Variants in NDUFAF6 observed in about 807,000 individuals in gnomAD.
The protein encoded by NDUFAF6 is NADH dehydrogenase (ubiquinone) complex I, assembly factor 6.
In NDUFAF6, 45 loss-of-function variants were observed where a neutral mutation model predicts 40.8. The ratio of observed to expected loss-of-function variants is 1.10; its 90% confidence interval spans 0.87 to 1.42. NDUFAF6 has a LOEUF of 1.42. Among genes scored for constraint, NDUFAF6 ranks in the 40% most tolerant of loss-of-function variants. The pLI, the probability that NDUFAF6 is intolerant of heterozygous loss-of-function variation, is 0.00. For missense variants in NDUFAF6, 435 were observed against 418.5 expected (o/e 1.04, Z -0.34); for synonymous variants, 185 against 155.9 (o/e 1.19, Z -1.39).
At chr8:94,942,283 G>A (rs965160252) in intron 1 of NDUFAF6, among the ~76,000 whole-genome samples, 6 of 151,422 alleles carry the variant, frequency 4.0e-5, no homozygotes, top group African/African-American at 1.2e-4. Context: ...CTCATGATCC[G>A]CCCACCTCAG....
rs568064396 is a variant in NDUFAF6 at position 95,002,719 on chromosome 8, A to T, written c.-84+21746A>T. Among the ~76,000 whole-genome samples, 20 of 152,314 alleles carry T rather than the reference A, an allele frequency of 1.3e-4. No homozygotes were observed. In the South Asian group the frequency reaches 3.9e-3, roughly 30 times the overall value. On this transcript the variant is annotated intron_variant, in intron 2 of 9. Transcript: ENST00000396111. ...GGTGCTGGGATGCAAAGTCTCTGCA[A>T]CTGTAGAGTACTTAGAGACTAGTAG...
At chr8:95,070,129 A>G (rs1487368052) in intron 9 of NDUFAF6, among the ~76,000 whole-genome samples, 3 of 152,076 alleles carry the variant, frequency 2.0e-5, no homozygotes, top group Admixed American at 2.0e-4. Context: ...CATATGGGAC[A>G]AGAATGTGGT....
At chr8:94,933,339 C>T (rs1451538265) in intron 1 of NDUFAF6, among the ~76,000 whole-genome samples, 2 of 152,100 alleles carry the variant, frequency 1.3e-5, no homozygotes, top group African/African-American at 2.4e-5. Flanking sequence ...ATAAAAACAA[C>T]ATTCTCACTG....
chr8:94,957,443 G>A (rs569003623), upstream of NDUFAF6, among the ~76,000 whole-genome samples: 1 of 152,260 alleles, frequency 6.6e-6, no homozygotes, highest in African/African-American at 2.4e-5. Flanking sequence ...AAGAAGATAA[G>A]GGATATCCAG....
At chr8:95,081,804 G>A (rs975161983) in intron 2 of NDUFAF6, among the ~76,000 whole-genome samples, 3 of 152,216 alleles carry the variant, frequency 2.0e-5, no homozygotes, top group African/African-American at 4.8e-5. Flanking sequence ...GCTCACGCCT[G>A]TAATCCCAGC....
chr8:95,090,494 C>T (rs958735592), intron 2 of NDUFAF6, among the ~76,000 whole-genome samples: 1 of 152,118 alleles, frequency 6.6e-6, no homozygotes, highest in Non-Finnish European at 1.5e-5. Flanking sequence ...AGATTCTTTA[C>T]AGTGAACTTT....
intron 6 of NDUFAF6, among the ~76,000 whole-genome samples, chr8:95,048,071 A>G (rs554168145): frequency 1.6e-4 from 24 of 152,068 alleles, no homozygotes; most frequent in Admixed American, 1.5e-3. Flanking sequence ...GTGCACACCT[A>G]TAGTCCCAGC....
At chr8:95,072,659 G>A (rs1405935785) in intron 9 of NDUFAF6, 2 of 152,306 alleles carry the variant, frequency 1.3e-5, no homozygotes, top group Admixed American at 6.5e-5. Context: ...CCTGCATTGA[G>A]GTTGGGCAGA....
downstream of NDUFAF6, among the ~76,000 whole-genome samples, chr8:95,077,705 C>A (rs762506042): frequency 3.9e-5 from 6 of 152,152 alleles, no homozygotes; most frequent in Non-Finnish European, 7.4e-5. Flanking sequence ...ATAGAACTCT[C>A]AGTTGTGGGA....
chr8:95,105,958 A>G (rs534811757), downstream of NDUFAF6, among the ~76,000 whole-genome samples: 2 of 152,182 alleles, frequency 1.3e-5, no homozygotes, highest in Admixed American at 6.5e-5. Flanking sequence ...TCTTAATCAT[A>G]GGAACCAGAA....
intron 3 of NDUFAF6, 22 bp downstream of exon 3, chr8:95,035,598 T>G (rs1829413756): frequency 6.4e-7 from 1 of 1,567,700 alleles, no homozygotes; most frequent in South Asian, 1.1e-5. Flanking sequence ...AAAATACCAC[T>G]TTTAATTTGT....
At chr8:94,919,928 C>G (rs1396892776) in intron 1 of NDUFAF6, among the ~76,000 whole-genome samples, 1 of 152,120 alleles carries the variant, frequency 6.6e-6, no homozygotes. Context: ...CACAAAATTT[C>G]AAAATTAAAG....
chr8:95,031,573 T>A (rs1587025027), intron 1 of NDUFAF6, among the ~76,000 whole-genome samples: 1 of 152,210 alleles, frequency 6.6e-6, no homozygotes, highest in South Asian at 2.1e-4. Context: ...ATAAGACATG[T>A]CAGGCCTTTT....
chr8:95,036,179 A>G (rs1829480057), intron 3 of NDUFAF6: 2 of 664,428 alleles, frequency 3.0e-6, no homozygotes, highest in Non-Finnish European at 4.2e-6. Flanking sequence ...TTTATAGTAA[A>G]GCAGCTGTAT....
downstream of NDUFAF6, among the ~76,000 whole-genome samples, chr8:95,080,424 TATTTTTGTAGTGTATTTTTGTAGTG>T (rs1808798337): frequency 1.3e-5 from 2 of 150,546 alleles, no homozygotes; most frequent in East Asian, 2.0e-4. Flanking sequence ...TTTTGTAGTG[TATTTTTGTAGTGTATTTTTGTAGTG>T]ATTTTTGTAG....
intron 1 of NDUFAF6, among the ~76,000 whole-genome samples, chr8:95,031,608 T>C (rs1451669538): frequency 6.6e-6 from 1 of 152,178 alleles, no homozygotes; most frequent in African/African-American, 2.4e-5. Flanking sequence ...CACGTTGTTA[T>C]TGTTTTTTTG....
At chr8:95,107,378 A>G (rs893629051), downstream of NDUFAF6, among the ~76,000 whole-genome samples, 1 of 152,202 alleles carries the variant, frequency 6.6e-6, no homozygotes, top group African/African-American at 2.4e-5. Context: ...TAACACAAGA[A>G]CAGAAAACCA....
In NDUFAF6 at chr8:94,958,522, C is replaced by CTTTT. The variant is rs55703438; in HGVS notation, c.-199+370_-199+373dup. ...CCCTATCTCCACACATAGTCACATT[C>CTTTT]TTTTTTTTTTTTTTTTTTTTTTTTT... On this transcript the variant is annotated intron_variant, in intron 1 of 9. Coordinates refer to the NDUFAF6 transcript ENST00000396111. Among the ~76,000 whole-genome samples, 285 of 71,272 alleles carry CTTTT rather than the reference C, an allele frequency of 4.0e-3. 40 individuals carry two copies. Among genetic ancestry groups the CTTTT allele is most frequent in the African/African-American group, 7.2e-3 (122 of 16,948 alleles). The allele number at this position is 71,272 out of a possible 152,430, so 46.8% of individuals were successfully genotyped here. A position where few individuals can be genotyped will look rare whatever the true frequency, so the allele number is the denominator to read the frequency against.
intron 9 of NDUFAF6, chr8:95,068,529 C>G (rs1294018460): frequency 6.6e-6 from 1 of 151,824 alleles, no homozygotes; most frequent in East Asian, 1.9e-4. Flanking sequence ...TTCCCCAAAT[C>G]ACACAGCCAG....
Sources: allele counts gnomAD v4.1 joint callset (sites outside exome capture counted in the v4.1 genomes callset), GRCh38; gene constraint gnomAD v4.1.1; transcripts MANE v1.5; gene names NCBI Gene and HGNC (gene_info 2026-07-23, HGNC 2026-07-21).